The following P3H1 variants were observed in gnomAD, a reference collection of about 807,000 sequenced individuals.
P3H1 encodes growth suppressor 1.
Under a neutral mutation model 84.0 loss-of-function variants are expected in P3H1, and 69 were observed. That is an observed-to-expected ratio of 0.82 (90% confidence interval 0.68 to 1.00). The LOEUF (loss-of-function observed/expected upper bound fraction) is 1.00, where lower values mean the gene tolerates loss of function less well. P3H1 is among the 50% of genes least tolerant of loss of function. The pLI, the probability that P3H1 is intolerant of heterozygous loss-of-function variation, is 0.00. For synonymous variants in P3H1, 366 were observed against 388.8 expected, an observed-to-expected ratio of 0.94 and a Z score of 0.69; for missense variants, 878 against 962.8, an observed-to-expected ratio of 0.91 and a Z score of 1.17.
chr1:42,747,362 A>C lies in P3H1; in HGVS notation c.1965T>G (p.Thr655=). The change falls in exon 14 of 15, where the codon ACT becomes ACG. Residue 655 remains threonine (T), a synonymous_variant. Transcript: ENST00000296388. ...CGRAVGFSSG[T]ENPHGVKAVT... ...CAGCCTTCACTCCATGTGGGTTTTC[A>C]GTGCCTGAAGAGAATCCCACGGCTC... 1 of 1,610,238 alleles carries C rather than the reference A, an allele frequency of 6.2e-7. No individual in the cohort carries two copies. Among genetic ancestry groups the C allele is most frequent in the South Asian group, 1.1e-5 (1 of 90,684 alleles).
In P3H1 at chr1:42,759,271, G is replaced by A. The variant is rs1273080810; in HGVS notation, c.738C>T (p.Cys246=). The A allele has an allele frequency of 5.0e-6, 8 of 1,614,010 alleles. No individual in the cohort carries two copies. Among genetic ancestry groups the A allele is most frequent in the South Asian group, 1.1e-5 (1 of 91,070 alleles). ...FVAYEECRAL[C]EGPYDYDGYN... is the part of the protein sequence containing the mutation. The stretch of plus-strand genomic sequence containing the variant: ...AGCCATCGTAGTCATAGGGCCCTTC[G>A]CAGAGGGCACGGCACTCCTCATAGG... The change falls in exon 3 of 15, where the codon TGC becomes TGT. Residue 246 remains cysteine, a synonymous_variant. Transcript: ENST00000296388.
At position 42,747,025 on chromosome 1, in the gene P3H1, G is replaced by A. The variant is rs201720920; in HGVS notation, c.2056-173C>T. On this transcript the variant is annotated intron_variant, in intron 14 of 14. Coordinates refer to ENST00000296388, the MANE Select transcript of P3H1 (RefSeq NM_022356.4). ...ACAGCTGAAGTGGGGCCCAAGGAGG[G>A]AACCAAGAACTCAGCATCGCTCCCT... 8.7e-5 allele frequency: 141 copies of A among 1,614,022 alleles called. No homozygotes were observed. The highest frequency in any genetic ancestry group is 1.6e-5 in the Non-Finnish European group (19 of 1,180,004).
intron 10 of P3H1, among the ~76,000 whole-genome samples, chr1:42,750,619 C>T (rs925700561): frequency 2.7e-5 from 4 of 146,574 alleles, no homozygotes; most frequent in Non-Finnish European, 6.0e-5. Flanking sequence ...AGCCCCTCAG[C>T]CCGGCCAGCC....
intron 1 of P3H1, 93 bp downstream of exon 1, chr1:42,766,414 G>T: frequency 8.5e-7 from 1 of 1,177,570 alleles, no homozygotes; most frequent in African/African-American, 1.5e-5. Context: ...CCTCCCTGCG[G>T]ACACTTCCCC....
Position 42,766,592 on chromosome 1 carries a change from G to A in P3H1, c.380C>T (p.Pro127Leu), listed in dbSNP as rs1359477996. The A allele has an allele frequency of 1.2e-6, 2 of 1,609,784 alleles. No homozygotes were observed. The highest frequency in any genetic ancestry group is 1.3e-5 in the African/African-American group (1 of 74,984). Residue 127 changes from proline to leucine, a missense_variant, in exon 1 of 15, where the codon CCG becomes CTG. Physicochemically the swap from Pro to Leu is moderately conservative, Grantham distance 98 (BLOSUM62 -3). Transcript: ENST00000296388. ...AACLRRCLGP[P>L]AAHSLSEEME... is the part of the protein sequence containing the mutation. ...CTCTTCGCTGAGCGAGTGGGCGGCC[G>A]GCGGCCCGAGGCAGCGGCGCAGGCA...
intron 1 of P3H1, among the ~76,000 whole-genome samples, chr1:42,764,633 A>G (rs1300506791): frequency 6.6e-6 from 1 of 152,122 alleles, no homozygotes; most frequent in Admixed American, 6.5e-5. Context: ...GCAGCCTGTA[A>G]TACATGGTGC....
Position 42,754,153 on chromosome 1 carries a change from G to A in P3H1, c.1345+716C>T, listed in dbSNP as rs1414737196. ...AGGATGGGTCAGAGGCCAGTGTCTG[G>A]AAGACTGGCCTAGCTACCTTGTGTG... On this transcript the variant is annotated intron_variant, in intron 8 of 14. Transcript: ENST00000296388. This position sits in a 1 kb window ranked among gnomAD's most constrained non-coding sequence, Gnocchi z 4.0. Among the ~76,000 whole-genome samples, 1 of 152,214 alleles carries A rather than the reference G, an allele frequency of 6.6e-6. No homozygotes were observed. Among genetic ancestry groups the A allele is most frequent in the African/African-American group, 2.4e-5 (1 of 41,458 alleles).
intron 2 of P3H1, chr1:42,762,105 C>A: frequency 1.9e-6 from 1 of 533,030 alleles, no homozygotes; most frequent in Non-Finnish European, 3.4e-6. Flanking sequence ...TAGAAAACAA[C>A]CTTAGTAATG....
chr1:42,758,967 G>C lies in P3H1; in HGVS notation c.825C>G (p.Val275=), dbSNP rs754241241. The C allele has an allele frequency of 1.4e-5, 22 of 1,614,070 alleles. No individual in the cohort carries two copies. The African/African-American group carries it at 2.9e-4, about 22-fold the overall frequency. The change falls in exon 4 of 15, where the codon GTC becomes GTG. Residue 275 remains valine, a synonymous_variant. Transcript: ENST00000296388. The part of the protein sequence containing the change: ...FQAITDHYIQ[V]LNCKQNCVTE... ...TGACACAGTTCTGCTTACAGTTGAGGACCTGGATGTAATGATCTGAAAGGA... is the reference window on the plus strand; with the variant it reads ...TGACACAGTTCTGCTTACAGTTGAGCACCTGGATGTAATGATCTGAAAGGA...
At chr1:42,766,007 T>G (rs1222466692) in intron 1 of P3H1, among the ~76,000 whole-genome samples, 64 of 117,674 alleles carry the variant, frequency 5.4e-4, no homozygotes, top group South Asian at 1.7e-3. Flanking sequence ...AGCCAGAGGG[T>G]CCCCCCCCCG....
In P3H1 at chr1:42,757,876, G is replaced by A. The variant is rs1180362181; in HGVS notation, c.987C>T (p.Leu329=). ...TCATCACCTCGTCATTGGGGAAGAA[G>A]AGAAGATAGGTCTTGGCACATTCAA... is the stretch of plus-strand genomic sequence containing the variant. The part of the protein sequence containing the change: ...QAVECAKTYL[L]FFPNDEVMNQ... The change falls in exon 5 of 15, where the codon CTC becomes CTT. Residue 329 remains leucine, a synonymous_variant. Transcript: ENST00000296388. 3 of 1,614,240 alleles carry A rather than the reference G, an allele frequency of 1.9e-6. No homozygotes were observed. The highest frequency in any genetic ancestry group is 2.2e-5 in the East Asian group (1 of 44,892).
intron 11 of P3H1, 160 bp downstream of exon 11, chr1:42,750,026 A>C (rs1482659728): frequency 4.9e-6 from 4 of 815,002 alleles, no homozygotes; most frequent in Non-Finnish European, 5.9e-6. Context: ...CCTCCATGCT[A>C]CTGTGGCATG....
intron 10 of P3H1, among the ~76,000 whole-genome samples, chr1:42,750,660 G>GGT (rs1553141373): frequency 1.6e-5 from 2 of 127,026 alleles, no homozygotes; most frequent in African/African-American, 6.3e-5. Flanking sequence ...CGGGGGGGGT[G>GGT]GTCGGCCAGC....
intron 1 of P3H1, among the ~76,000 whole-genome samples, chr1:42,762,794 A>G (rs1557576819): frequency 6.6e-6 from 1 of 152,216 alleles, no homozygotes; most frequent in Non-Finnish European, 1.5e-5. Context: ...CTGACTGCCC[A>G]CATAATATGT....
chr1:42,751,934 A>G, intron 10 of P3H1: 1 of 369,930 alleles, frequency 2.7e-6, no homozygotes, highest in Non-Finnish European at 5.2e-6. Context: ...CCCCTACTAT[A>G]TTCCTCTTCC....
intron 6 of P3H1, 130 bp from the exon 7 acceptor site, chr1:42,755,347 G>A (rs761323693): frequency 1.8e-4 from 183 of 1,033,470 alleles, no homozygotes; most frequent in Non-Finnish European, 2.5e-4. Flanking sequence ...GACAAAATGG[G>A]AGGTTTCCAC....
Position 42,762,448 on chromosome 1 carries a change from C to T in P3H1, c.493G>A (p.Ala165Thr). The T allele has an allele frequency of 6.2e-7, 1 of 1,614,108 alleles. No homozygotes were observed. The change falls in exon 2 of 15, where the codon GCA becomes ACA. Residue 165 changes from alanine to threonine, a missense_variant. By Grantham distance (58) the Ala-to-Thr change is moderately conservative (BLOSUM62 0). Coordinates refer to ENST00000296388, the MANE Select transcript of P3H1 (RefSeq NM_022356.4). ...KINKLEKAVAAAHTFFVGNPE... is the reference protein window; with the variant it reads ...KINKLEKAVATAHTFFVGNPE... The stretch of plus-strand genomic sequence containing the variant: ...TTGCCCACGAAGAAGGTGTGTGCTG[C>T]AGCAACAGCTTTCTCCAACTTGTTG...
At chr1:42,755,715 C>T (rs1009490016) in intron 5 of P3H1, 78 bp from the exon 6 acceptor site, 18 of 1,062,684 alleles carry the variant, frequency 1.7e-5, no homozygotes, top group Admixed American at 3.6e-5. Context: ...TCCCTGGCAC[C>T]CCACACTGAT....
chr1:42,747,434 G>C, intron 13 of P3H1, 22 bp from the exon 14 acceptor site: 1 of 1,604,590 alleles, frequency 6.2e-7, no homozygotes, highest in Non-Finnish European at 8.5e-7. Context: ...AGAAAGGGAG[G>C]GGGGTTGCAC....
Sources: gnomAD v4.1 joint callset for allele counts (sites outside exome capture counted in the v4.1 genomes callset) on GRCh38, gnomAD v4.1.1 for gene constraint, Gnocchi (gnomAD v3.1) non-coding constraint, MANE v1.5 for transcripts, NCBI Gene and HGNC (gene_info 2026-07-23, HGNC 2026-07-21) for gene names.